Variants in ARHGAP22 observed in about 807,000 individuals in gnomAD.
ARHGAP22 encodes the protein rho GTPase-activating protein 22.
A neutral mutation model predicts 59.1 loss-of-function variants in ARHGAP22; 48 were observed. The ratio of observed to expected loss-of-function variants is 0.81; its 90% CI spans 0.64 to 1.03. The LOEUF (loss-of-function observed/expected upper bound fraction) is 1.03. Among genes scored for constraint, ARHGAP22 ranks in the 50% least tolerant of loss-of-function variants. ARHGAP22 has a pLI of 0.00. For missense variants in ARHGAP22, 1,015 were observed against 958.7 expected, an observed-to-expected ratio of 1.06 and a Z score of -0.78; for synonymous variants, 445 against 416.4, an observed-to-expected ratio of 1.07 and a Z score of -0.84.
intron 1 of ARHGAP22, among the ~76,000 whole-genome samples, chr10:48,642,000 G>C (rs575908737): frequency 1.6e-4 from 25 of 152,254 alleles, no homozygotes; most frequent in Non-Finnish European, 3.2e-4. Flanking sequence ...CCTTCAAAGA[G>C]AATAAAATAC....
At chr10:48,570,399 C>T (rs2058325226) in intron 2 of ARHGAP22, among the ~76,000 whole-genome samples, 1 of 152,202 alleles carries the variant, frequency 6.6e-6, no homozygotes, top group South Asian at 2.1e-4. Context: ...TCTTCTGCAG[C>T]ACTAATGGGA....
intron 1 of ARHGAP22, among the ~76,000 whole-genome samples, chr10:48,639,364 A>G (rs2061949892): frequency 6.6e-6 from 1 of 152,240 alleles, no homozygotes; most frequent in South Asian, 2.1e-4. Context: ...GTATCCACAC[A>G]TTCTTGCCAA....
At chr10:48,581,812 G>A (rs752858613) in intron 2 of ARHGAP22, among the ~76,000 whole-genome samples, 1 of 152,292 alleles carries the variant, frequency 6.6e-6, no homozygotes, top group Admixed American at 6.5e-5. Flanking sequence ...TCACAAGCGG[G>A]AACTTTCCAT....
At chr10:48,551,080 G>C (rs1241135975) in intron 3 of ARHGAP22, among the ~76,000 whole-genome samples, 1 of 152,192 alleles carries the variant, frequency 6.6e-6, no homozygotes, top group African/African-American at 2.4e-5. Context: ...CTGGGCACTG[G>C]GGTGGGAAGG....
intron 2 of ARHGAP22, among the ~76,000 whole-genome samples, chr10:48,581,935 G>A (rs1488390465): frequency 1.3e-5 from 2 of 152,160 alleles, no homozygotes; most frequent in African/African-American, 4.8e-5. Context: ...TTTCACCCCT[G>A]TGCCCCCATA....
At chr10:48,481,551 C>T (rs925687407) in intron 3 of ARHGAP22, among the ~76,000 whole-genome samples, 16 of 152,234 alleles carry the variant, frequency 1.1e-4, no homozygotes, top group Non-Finnish European at 2.4e-4. Context: ...GTCACACAAG[C>T]TTCAGGCCCC....
chr10:48,533,635 G>A lies in ARHGAP22; in HGVS notation c.322+21828C>T, dbSNP rs147644874. Among the ~76,000 whole-genome samples the A allele has an allele frequency of 2.8e-3, 422 of 152,310 alleles. 1 individual carries two copies. The highest frequency in any genetic ancestry group is 9.3e-3 in the African/African-American group (387 of 41,564). ...CAGATAGTAAACATATTTAAGCTTT[G>A]AGGGCCATACAGTCTCTTTAGCAAC... On this transcript the variant is annotated intron_variant, in intron 3 of 9. Transcript: ENST00000249601.
chr10:48,524,251 A>AC (rs2054114980), intron 3 of ARHGAP22: 1 of 296,276 alleles, frequency 3.4e-6, no homozygotes, highest in Non-Finnish European at 5.0e-6. Context: ...CCGGGCCCTC[A>AC]CACTCCACCG....
At chr10:48,589,416 T>G (rs956404860) in intron 1 of ARHGAP22, among the ~76,000 whole-genome samples, 1 of 152,198 alleles carries the variant, frequency 6.6e-6, no homozygotes, top group Non-Finnish European at 1.5e-5. Flanking sequence ...TATTTCATTA[T>G]GAATCCCAGG....
At chr10:48,568,958 G>A (rs1339534137) in intron 2 of ARHGAP22, among the ~76,000 whole-genome samples, 1 of 152,216 alleles carries the variant, frequency 6.6e-6, no homozygotes, top group African/African-American at 2.4e-5. Context: ...GTGCTGTCCT[G>A]TCTTGTCCTG....
At chr10:48,532,908 G>A (rs2054995859) in intron 3 of ARHGAP22, 1 of 152,196 alleles carries the variant, frequency 6.6e-6, no homozygotes, top group Non-Finnish European at 1.5e-5. Context: ...ACTGTAAGGT[G>A]AGTTAGTGAC....
chr10:48,602,120 G>T (rs2060419768), intron 1 of ARHGAP22, among the ~76,000 whole-genome samples: 1 of 152,230 alleles, frequency 6.6e-6, no homozygotes, highest in South Asian at 2.1e-4. Flanking sequence ...CAACAAAAGT[G>T]CCTGGAGCAT....
At chr10:48,439,925 G>A in the ARHGAP22 span, among the ~76,000 whole-genome samples, 1 of 152,172 alleles carries the variant, frequency 6.6e-6, no homozygotes, top group Admixed American at 6.5e-5. Context: ...GGAGAGGAAG[G>A]GGCTGATCTT....
chr10:48,541,005 G>A (rs1203214039), intron 3 of ARHGAP22, among the ~76,000 whole-genome samples: 2 of 152,000 alleles, frequency 1.3e-5, no homozygotes, highest in Non-Finnish European at 2.9e-5. Flanking sequence ...TGCACACAGA[G>A]CACCCAGGAC....
In ARHGAP22 at chr10:48,467,457, T is replaced by C. The variant is rs1013081501; in HGVS notation, c.452-7566A>G. On this transcript the variant is annotated intron_variant, in intron 4 of 9. Coordinates refer to ENST00000249601, the MANE Select transcript of ARHGAP22 (RefSeq NM_021226.4). ...CCCAAGGGTAGGAGGGCAGAATTCT[T>C]TTTTTTTTTTTAGCTTGTACTGAAT... 5.5e-5 allele frequency among the ~76,000 whole-genome samples: 8 copies of C among 145,648 alleles called. 1 individual carries two copies.
chr10:48,521,138 C>G (rs940366111), intron 3 of ARHGAP22, among the ~76,000 whole-genome samples: 1 of 152,192 alleles, frequency 6.6e-6, no homozygotes, highest in African/African-American at 2.4e-5. Flanking sequence ...GCTCACTGAC[C>G]TTTCAGCTTT....
intron 4 of ARHGAP22, among the ~76,000 whole-genome samples, chr10:48,470,325 A>C (rs555980425): frequency 5.3e-5 from 8 of 152,334 alleles, no homozygotes; most frequent in African/African-American, 7.2e-5. Context: ...CGACTAGCTT[A>C]CCAGGCTCTC....
At chr10:48,534,519 G>A (rs2055170186) in intron 3 of ARHGAP22, among the ~76,000 whole-genome samples, 1 of 152,242 alleles carries the variant, frequency 6.6e-6, no homozygotes, top group Non-Finnish European at 1.5e-5. Flanking sequence ...CCCAGCAGCT[G>A]TGATGACATC....
chr10:48,637,338 TACAG>T (rs1011079015), intron 1 of ARHGAP22, among the ~76,000 whole-genome samples: 1 of 152,014 alleles, frequency 6.6e-6, no homozygotes, highest in African/African-American at 2.4e-5. Flanking sequence ...GACACAGGTA[TACAG>T]ATGGATGGAT....
Sources: gnomAD v4.1 joint callset for allele counts (sites outside exome capture counted in the v4.1 genomes callset) on GRCh38, gnomAD v4.1.1 for gene constraint, MANE v1.5 for transcripts, NCBI Gene and HGNC (gene_info 2026-07-23, HGNC 2026-07-21) for gene names.